OVCH1: variants seen among roughly 807,000 people sequenced by gnomAD.
OVCH1 encodes the protein ovochymase-1.
A neutral mutation model predicts 138.4 loss-of-function variants in OVCH1; 139 were observed. The observed-to-expected ratio is 1.00, with a 90% CI of 0.87 to 1.16. The LOEUF (loss-of-function observed/expected upper bound fraction) is 1.16, where lower values mean the gene tolerates loss of function less well. OVCH1 is among the 50% of genes most tolerant of loss of function. OVCH1 has a pLI of 0.00. For missense variants in OVCH1, 1,367 were observed against 1,357.9 expected (o/e 1.01, Z -0.11); for synonymous variants, 453 against 467.8 (o/e 0.97, Z 0.41).
chr12:29,478,995 G>A, intron 8 of OVCH1, 27 bp from the exon 10 acceptor site: 1 of 867,004 alleles, frequency 1.2e-6, no homozygotes, highest in Non-Finnish European at 1.7e-6. Context: ...TGAAGAAAAT[G>A]TAATAAATGG....
At chr12:29,448,924 AT>A (rs1941693631) in intron 22 of OVCH1, among the ~76,000 whole-genome samples, 1 of 152,088 alleles carries the variant, frequency 6.6e-6, no homozygotes, top group African/African-American at 2.4e-5. Flanking sequence ...AGATTTCCCC[AT>A]TAACCAAATT....
At chr12:29,484,598 T>C (rs1835917796) in intron 8 of OVCH1, among the ~76,000 whole-genome samples, 115 bp downstream of exon 9, 1 of 152,166 alleles carries the variant, frequency 6.6e-6, no homozygotes, top group South Asian at 2.1e-4. Context: ...GAGCCCAGCC[T>C]GGGCAACGTA....
intron 8 of OVCH1, among the ~76,000 whole-genome samples, chr12:29,485,317 TAAAAAAAAA>T (rs869216306): frequency 1.1e-5 from 1 of 89,854 alleles, no homozygotes; most frequent in African/African-American, 4.5e-5. Context: ...ACCCAGTCTT[TAAAAAAAAA>T]AAAAAAAAAA....
At chr12:29,403,262 T>C in the OVCH1 span, among the ~76,000 whole-genome samples, 1 of 152,226 alleles carries the variant, frequency 6.6e-6, no homozygotes, top group Non-Finnish European at 1.5e-5. Context: ...ACTTTTATAA[T>C]TTAATCACAA....
chr12:29,413,663 CACACAT>C (rs1422824459), intron 3 of OVCH1, among the ~76,000 whole-genome samples: 30 of 147,064 alleles, frequency 2.0e-4, no homozygotes, highest in Admixed American at 6.7e-4. Flanking sequence ...GTGTGTATTA[CACACAT>C]ACACACACAC....
At chr12:29,459,047 A>G (rs979891379) in intron 19 of OVCH1, among the ~76,000 whole-genome samples, 1 of 151,996 alleles carries the variant, frequency 6.6e-6, no homozygotes, top group African/African-American at 2.4e-5. Flanking sequence ...GAGAATATCA[A>G]TTAGTACAAC....
At chr12:29,412,139 C>T (rs1392121114), downstream of OVCH1, among the ~76,000 whole-genome samples, 4 of 151,998 alleles carry the variant, frequency 2.6e-5, no homozygotes, top group Non-Finnish European at 4.4e-5. Context: ...CCTGGTGCGC[C>T]GTTTTTTAAG....
At chr12:29,464,616 A>T in exon 18 of OVCH1, 1 of 1,613,602 alleles carries the variant, frequency 6.2e-7, no homozygotes. Flanking sequence ...ACTCCAGAGG[A>T]GAGCTTAGTT....
intron 3 of OVCH1, among the ~76,000 whole-genome samples, chr12:29,415,189 T>G (rs983916820): frequency 4.6e-5 from 7 of 152,090 alleles, no homozygotes; most frequent in African/African-American, 1.7e-4. Flanking sequence ...TCAGGTGGTG[T>G]TAAGTAGGAA....
chr12:29,439,030 C>T (rs1418310188), intron 26 of OVCH1, among the ~76,000 whole-genome samples: 1 of 152,180 alleles, frequency 6.6e-6, no homozygotes, highest in African/African-American at 2.4e-5. Context: ...TGCCCTCCCA[C>T]TATCTCCACT....
chr12:29,430,440 G>A (rs1565566613), intron 27 of OVCH1, among the ~76,000 whole-genome samples: 1 of 152,154 alleles, frequency 6.6e-6, no homozygotes, highest in Non-Finnish European at 1.5e-5. Flanking sequence ...TGGGGGCAGG[G>A]CTAAGTGTGT....
At chr12:29,463,663 T>C (rs1013032225) in intron 18 of OVCH1, among the ~76,000 whole-genome samples, 11 of 152,188 alleles carry the variant, frequency 7.2e-5, no homozygotes, top group Admixed American at 3.9e-4. Flanking sequence ...GCAAGTTACT[T>C]AAATCTTTGG....
the OVCH1 span, among the ~76,000 whole-genome samples, chr12:29,405,633 A>G: frequency 3.9e-5 from 6 of 152,226 alleles, no homozygotes; most frequent in African/African-American, 9.6e-5. Flanking sequence ...TAGCTTATAC[A>G]ACAGAAACTC....
Position 29,442,599 on chromosome 12 carries a change from T to C in OVCH1, c.3157+762A>G, listed in dbSNP as rs543042244. Reference sequence around the variant, plus strand: ...TAACTAACTGCACATTGTGCACTTGTACCCTAAAACTTGAAGTATAATAAT... The same window carrying C: ...TAACTAACTGCACATTGTGCACTTGCACCCTAAAACTTGAAGTATAATAAT... On this transcript the variant is annotated intron_variant, in intron 25 of 27. Transcript: ENST00000318184. 5.3e-5 allele frequency among the ~76,000 whole-genome samples: 8 copies of C among 151,784 alleles called. No individual in the cohort carries two copies. In the East Asian group the frequency reaches 9.7e-4, roughly 18 times the overall value.
intron 3 of OVCH1, among the ~76,000 whole-genome samples, chr12:29,413,816 A>G (rs7294371): frequency 6.6e-6 from 1 of 152,108 alleles, no homozygotes; most frequent in African/African-American, 2.4e-5. Flanking sequence ...CTGTTCTTAA[A>G]AAAATTGTAT....
downstream of OVCH1, among the ~76,000 whole-genome samples, chr12:29,422,969 T>C (rs1364471556): frequency 1.3e-5 from 2 of 152,232 alleles, no homozygotes; most frequent in African/African-American, 4.8e-5. Flanking sequence ...CATTTGGAAC[T>C]ACCAGTATTA....
At chr12:29,457,100 G>T (rs190370299) in intron 19 of OVCH1, among the ~76,000 whole-genome samples, 7 of 152,290 alleles carry the variant, frequency 4.6e-5, no homozygotes, top group African/African-American at 1.7e-4. Flanking sequence ...ACAGTTGCTA[G>T]TCTGTAATGT....
chr12:29,412,977 C>CTAAT, intron 3 of OVCH1, among the ~76,000 whole-genome samples: 1 of 151,602 alleles, frequency 6.6e-6, no homozygotes, highest in Non-Finnish European at 1.5e-5. Context: ...AGCCTACTAA[C>CTAAT]TAACTAGTAT....
chr12:29,494,692 T>C (rs1214244685), intron 4 of OVCH1, among the ~76,000 whole-genome samples: 2 of 152,146 alleles, frequency 1.3e-5, no homozygotes, highest in African/African-American at 4.8e-5. Flanking sequence ...TGAACATGGA[T>C]ATTAAGTGAA....
Sources: gnomAD v4.1 joint callset for allele counts (sites outside exome capture counted in the v4.1 genomes callset) on GRCh38, gnomAD v4.1.1 for gene constraint, MANE v1.5 for transcripts, NCBI Gene and HGNC (gene_info 2026-07-23, HGNC 2026-07-21) for gene names.